The following TASOR variants were observed in gnomAD, a reference collection of about 807,000 sequenced individuals.
TASOR encodes transcription activation suppressor.
In TASOR, 53 loss-of-function variants were observed where a neutral mutation model predicts 178.6. The ratio of observed to expected loss-of-function variants is 0.30; its 90% CI spans 0.24 to 0.37. TASOR has a LOEUF of 0.37. Ranked by LOEUF, TASOR falls within the 10% of genes least tolerant of loss-of-function variation. TASOR has a pLI of 1.00. For missense variants in TASOR, 1,815 were observed against 1,971.4 expected, an observed-to-expected ratio of 0.92 and a Z score of 1.50; for synonymous variants, 713 against 696.2, an observed-to-expected ratio of 1.02 and a Z score of -0.38.
Position 56,636,745 on chromosome 3 carries a change from T to C in TASOR, c.2824+1961A>G, listed in dbSNP as rs144369334. On this transcript the variant is annotated intron_variant, in intron 17 of 23. Transcript: ENST00000683822. The stretch of plus-strand genomic sequence containing the variant: ...TTAAATAATTGCAGTATTTTAACTT[T>C]TAAGTGAAAGGGGAGTAGTCAGTTC... Among the ~76,000 whole-genome samples, 12 of 152,264 alleles carry C rather than the reference T, an allele frequency of 7.9e-5. No homozygotes were observed. The East Asian group carries it at 2.3e-3, about 29-fold the overall frequency.
At chr3:56,661,880 T>A (rs1021520890) in intron 9 of TASOR, among the ~76,000 whole-genome samples, 2 of 152,124 alleles carry the variant, frequency 1.3e-5, no homozygotes, top group Non-Finnish European at 2.9e-5. Context: ...ATCCCAACAC[T>A]TCGTGAGGCC....
intron 14 of TASOR, among the ~76,000 whole-genome samples, chr3:56,645,369 A>T (rs1282213649): frequency 6.6e-6 from 1 of 152,204 alleles, no homozygotes; most frequent in Non-Finnish European, 1.5e-5. Flanking sequence ...CACTGATCTG[A>T]CTAACCTAGA....
At position 56,647,192 on chromosome 3, in the gene TASOR, C is replaced by G. The variant is rs1272209274; in HGVS notation, c.1545G>C (p.Gln515His). 1.9e-6 allele frequency: 3 copies of G among 1,568,018 alleles called. No homozygotes were observed. Among genetic ancestry groups the G allele is most frequent in the African/African-American group, 1.4e-5 (1 of 72,392 alleles). Reference sequence around the variant, plus strand: ...CATCTGGCATGCTCTCATGCCTCTCCTGTGGTGCTGCATTGGTTGAACCTT... The same window carrying G: ...CATCTGGCATGCTCTCATGCCTCTCGTGTGGTGCTGCATTGGTTGAACCTT... The part of the protein sequence containing the change: ...SQKGSTNAAP[Q>H]ERHESMPDVL... The change falls in exon 14 of 24, where the codon CAG becomes CAC. Residue 515 changes from glutamine (Q) to histidine (H), a missense_variant. Around this residue, in one of 5 missense-constraint regions of TASOR, gnomAD observed 504 missense variants for 645.3 expected, o/e 0.78. Transcript: ENST00000683822.
rs372124489 is a variant in TASOR, at chr3:56,624,848, C to T, written c.4298G>A (p.Arg1433Gln). Reference protein sequence around the residue: ...IRLQAQNIQQRHIVFLTEKNI... With the variant: ...IRLQAQNIQQQHIVFLTEKNI... ...TTTACCTGTTAAAAAGACTATGTGT[C>T]GTTGCTGTATGTTCTGAGCCTGAAG... Residue 1433 changes from arginine (R) to glutamine (Q), a missense_variant, in exon 22 of 24, where the codon CGA becomes CAA. Around this residue, in one of 5 missense-constraint regions of TASOR, gnomAD observed 134 missense variants for 195.2 expected, o/e 0.69. Coordinates refer to ENST00000683822, the MANE Select transcript of TASOR (RefSeq NM_001365635.2). The T allele has an allele frequency of 9.3e-6, 15 of 1,613,918 alleles. No individual in the cohort carries two copies. Among genetic ancestry groups the T allele is most frequent in the Non-Finnish European group, 1.2e-5 (14 of 1,180,004 alleles).
rs766480672 is a variant in TASOR, at chr3:56,641,582, C to T, written c.2386G>A (p.Ala796Thr). 1.9e-6 allele frequency: 3 copies of T among 1,614,040 alleles called. No individual in the cohort carries two copies. Among genetic ancestry groups the T allele is most frequent in the African/African-American group, 2.7e-5 (2 of 74,908 alleles). ...GCATCATCAGTGCTCAATCCTAAGG[C>T]TTTGTTGACTGTGTCTGTCAGAGAT... ...DASLTDTVNK[A>T]LGLSTDDAYE... The change falls in exon 15 of 24, where the codon GCC (alanine) becomes ACC (threonine). Residue 796 changes from alanine to threonine, a missense_variant. By Grantham distance (58) the Ala-to-Thr change is moderately conservative. This residue lies in a region of TASOR where 655 missense variants were observed against 671.1 expected (regional missense o/e 0.98). Transcript: ENST00000683822.
intron 23 of TASOR, chr3:56,623,777 T>C: frequency 1.3e-6 from 2 of 1,550,644 alleles, no homozygotes; most frequent in Middle Eastern, 3.3e-4. Context: ...TTCTGCGAAA[T>C]GTGTTCACGT....
chr3:56,646,929 T>C lies in TASOR; in HGVS notation c.1808A>G (p.His603Arg). ...RNKSHIDTCL[H>R]AYIFRPEVYQ... is the part of the protein sequence containing the mutation. ...CACTTCAGGCCGAAAAATATAGGCA[T>C]GCAAACAAGTATCAATATGGGATTT... Residue 603 changes from histidine to arginine, a missense_variant, in exon 14 of 24, where the codon CAT (histidine) becomes CGT (arginine). By Grantham distance (29) the His-to-Arg change is conservative (BLOSUM62 0). Transcript: ENST00000683822. 1.2e-6 allele frequency: 2 copies of C among 1,612,210 alleles called. No individual in the cohort carries two copies. The highest frequency in any genetic ancestry group is 1.7e-6 in the Non-Finnish European group (2 of 1,179,612).
chr3:56,628,723 A>T lies in TASOR; in HGVS notation c.3748-109T>A, dbSNP rs986082043. 4.2e-6 allele frequency: 3 copies of T among 714,364 alleles called. No individual in the cohort carries two copies. In the African/African-American group the frequency reaches 5.5e-5, roughly 13 times the overall value. The allele number at this position is 714,364 out of a possible 1,614,324, so 44.3% of individuals were successfully genotyped here. On this transcript the variant is annotated intron_variant, in intron 18 of 23. Coordinates refer to ENST00000683822, the MANE Select transcript of TASOR (RefSeq NM_001365635.2). Reference sequence around the variant, plus strand: ...TAAGCTTAACTACTACCATGACATTATTAACAATGAATGAACTTACACTCT... The same window carrying T: ...TAAGCTTAACTACTACCATGACATTTTTAACAATGAATGAACTTACACTCT...
chr3:56,662,173 T>C (rs1191453125), intron 9 of TASOR, among the ~76,000 whole-genome samples: 1 of 151,420 alleles, frequency 6.6e-6, no homozygotes, highest in Non-Finnish European at 1.5e-5. Flanking sequence ...GTAAATGTAC[T>C]GACTAGCCTA....
At chr3:56,633,999 A>C (rs1434243256) in intron 17 of TASOR, 33 bp from the exon 18 acceptor site, 2 of 1,457,312 alleles carry the variant, frequency 1.4e-6, no homozygotes, top group South Asian at 1.4e-5. Context: ...TATAAGAGCA[A>C]TCCAAAAAGA....
intron 17 of TASOR, among the ~76,000 whole-genome samples, chr3:56,635,943 C>T (rs771496734): frequency 1.3e-5 from 2 of 152,090 alleles, no homozygotes; most frequent in Admixed American, 6.6e-5. Flanking sequence ...CAAATAGATC[C>T]CTTTATAAAA....
chr3:56,675,599 T>C (rs1484802140), intron 1 of TASOR, among the ~76,000 whole-genome samples: 2 of 152,232 alleles, frequency 1.3e-5, no homozygotes, highest in Non-Finnish European at 2.9e-5. Flanking sequence ...CACCTAAAAG[T>C]CTATACATAT....
intron 7 of TASOR, chr3:56,663,879 T>C (rs1458793351): frequency 1.7e-5 from 17 of 989,136 alleles, no homozygotes; most frequent in Non-Finnish European, 2.0e-5. Flanking sequence ...TTTGCTGACA[T>C]TAGAAGACAC....
chr3:56,639,933 A>G, intron 16 of TASOR, 53 bp downstream of exon 16: 2 of 1,511,488 alleles, frequency 1.3e-6, no homozygotes, highest in Middle Eastern at 2.2e-4. Flanking sequence ...CATTCAGGAA[A>G]CTGGTCTCTA....
chr3:56,638,838 C>T, intron 16 of TASOR, 73 bp from the exon 17 acceptor site: 1 of 1,370,936 alleles, frequency 7.3e-7, no homozygotes, highest in Non-Finnish European at 1.0e-6. Context: ...CAGACAACCC[C>T]AAGTGATAAC....
chr3:56,649,437 G>A (rs71309972), intron 11 of TASOR, among the ~76,000 whole-genome samples: 5,092 of 152,274 alleles, frequency 0.033, 112 homozygotes, highest in Middle Eastern at 0.078. Flanking sequence ...TACAAAACAT[G>A]CTTTGAAACA....
At chr3:56,628,886 G>A in intron 18 of TASOR, 2 of 215,012 alleles carry the variant, frequency 9.3e-6, no homozygotes, top group Non-Finnish European at 1.8e-5. Flanking sequence ...TCAGCCTCCT[G>A]AATACATGGA....
chr3:56,631,557 CGT>C lies in TASOR; in HGVS notation c.3747+1485_3747+1486del, dbSNP rs144457927. On this transcript the variant is annotated intron_variant, in intron 18 of 23. Coordinates refer to ENST00000683822, the MANE Select transcript of TASOR (RefSeq NM_001365635.2). ...CTAAACATACAGACACACAGAAAGG[CGT>C]GTGTGTGTGTGTCTGTGTTTTTTTG... Among the ~76,000 whole-genome samples the C allele has an allele frequency of 9.1e-3, 1,348 of 147,540 alleles. 11 individuals are homozygous for C. The highest frequency in any genetic ancestry group is 0.014 in the Non-Finnish European group (934 of 67,368).
chr3:56,646,110 T>C (rs2077232401), intron 14 of TASOR, among the ~76,000 whole-genome samples: 1 of 152,166 alleles, frequency 6.6e-6, no homozygotes, highest in African/African-American at 2.4e-5. Flanking sequence ...ATCATGCCAC[T>C]ACACTCCAGC....
Sources: allele counts gnomAD v4.1 joint callset (sites outside exome capture counted in the v4.1 genomes callset), GRCh38; gene constraint gnomAD v4.1.1; regional missense constraint gnomAD v4.1.1; transcripts MANE v1.5; gene names NCBI Gene and HGNC (gene_info 2026-07-23, HGNC 2026-07-21).